The following RFPL1 variants were observed in gnomAD, a reference collection of about 807,000 sequenced individuals.
The protein encoded by RFPL1 is ret finger protein like 1, also known as ret finger protein-like 1.
A neutral mutation model predicts 9.6 loss-of-function variants in RFPL1; 6 were observed. That is an observed-to-expected ratio of 0.62 (90% CI 0.34 to 1.23). RFPL1 has a LOEUF of 1.23. Ranked by LOEUF, RFPL1 falls within the 50% of genes most tolerant of loss-of-function variation. The probability of loss-of-function intolerance (pLI) is 0.03; values close to 1 mark genes in which losing one functional copy is unlikely to be tolerated. For missense variants in RFPL1, 352 were observed against 398.4 expected (o/e 0.88, Z 0.99); for synonymous variants, 145 against 149.4 (o/e 0.97, Z 0.22).
At chr22:29,415,142 A>G in the RFPL1 span, among the ~76,000 whole-genome samples, 4 of 152,232 alleles carry the variant, frequency 2.6e-5, no homozygotes, top group East Asian at 7.7e-4. Flanking sequence ...TGGAGTGGAC[A>G]AGTTCCCAAG....
At chr22:29,414,538 A>AT in the RFPL1 span, among the ~76,000 whole-genome samples, 1 of 152,054 alleles carries the variant, frequency 6.6e-6, no homozygotes, top group African/African-American at 2.4e-5. Flanking sequence ...TTATTAGGCA[A>AT]TTTTCCTAAC....
chr22:29,414,744 T>C, the RFPL1 span, among the ~76,000 whole-genome samples: 3 of 152,260 alleles, frequency 2.0e-5, no homozygotes, highest in South Asian at 6.2e-4. Context: ...CAGGGGTTTA[T>C]GTTAAATCAT....
At chr22:29,406,038 A>G in the RFPL1 span, among the ~76,000 whole-genome samples, 2 of 138,732 alleles carry the variant, frequency 1.4e-5, no homozygotes, top group Non-Finnish European at 3.1e-5. Flanking sequence ...GAACCCGGGA[A>G]GCAGAGCTTG....
the RFPL1 span, among the ~76,000 whole-genome samples, chr22:29,428,857 G>A: frequency 6.6e-6 from 1 of 152,176 alleles, no homozygotes; most frequent in South Asian, 2.1e-4. Flanking sequence ...TGACAGGGAA[G>A]TTAATAGCAA....
At chr22:29,429,515 A>T in the RFPL1 span, among the ~76,000 whole-genome samples, 1 of 152,242 alleles carries the variant, frequency 6.6e-6, no homozygotes. Flanking sequence ...GATCATTAGA[A>T]ACTATTATGA....
the RFPL1 span, among the ~76,000 whole-genome samples, chr22:29,391,055 T>C: frequency 1.3e-5 from 2 of 151,498 alleles, no homozygotes; most frequent in Non-Finnish European, 2.9e-5. Flanking sequence ...GGCAGGAGAA[T>C]GGCGTGAACC....
upstream of RFPL1, among the ~76,000 whole-genome samples, chr22:29,436,099 C>A (rs542440772): frequency 1.6e-3 from 235 of 149,954 alleles, 2 homozygotes; most frequent in African/African-American, 5.5e-3. Flanking sequence ...CAGAATTATA[C>A]CTAGATGGGA....
the RFPL1 span, among the ~76,000 whole-genome samples, chr22:29,418,206 G>T: frequency 6.6e-6 from 1 of 152,102 alleles, no homozygotes. Context: ...AGGATTACAG[G>T]TGTGAGCCAC....
At chr22:29,412,738 A>C in the RFPL1 span, among the ~76,000 whole-genome samples, 1 of 152,106 alleles carries the variant, frequency 6.6e-6, no homozygotes, top group Admixed American at 6.5e-5. Context: ...GCTGGTATCT[A>C]GTGCAGGTGT....
At chr22:29,390,363 T>C in the RFPL1 span, among the ~76,000 whole-genome samples, 1 of 152,120 alleles carries the variant, frequency 6.6e-6, no homozygotes, top group Non-Finnish European at 1.5e-5. Context: ...TTTAATATAA[T>C]TTTAGATGTT....
the RFPL1 span, among the ~76,000 whole-genome samples, chr22:29,428,854 G>A: frequency 0.13 from 19,286 of 152,118 alleles, 1,680 homozygotes; most frequent in South Asian, 0.18. Flanking sequence ...TACTGACAGG[G>A]AAGTTAATAG....
upstream of RFPL1, chr22:29,437,243 C>T (rs541341018): frequency 1.4e-4 from 23 of 158,820 alleles, no homozygotes; most frequent in Admixed American, 3.8e-4. Context: ...AGAATTTCCT[C>T]AATGGAATGC....
At chr22:29,425,129 G>A in the RFPL1 span, among the ~76,000 whole-genome samples, 10 of 150,330 alleles carry the variant, frequency 6.7e-5, no homozygotes, top group East Asian at 1.4e-3. Context: ...GCGTGGACCC[G>A]GGAGGTGGAG....
chr22:29,410,278 A>AGATCTATATATG, the RFPL1 span, among the ~76,000 whole-genome samples: 22 of 123,144 alleles, frequency 1.8e-4, no homozygotes, highest in African/African-American at 6.3e-4. Flanking sequence ...ATCTATATAT[A>AGATCTATATATG]TAGATCTATA....
chr22:29,422,343 C>T, the RFPL1 span, among the ~76,000 whole-genome samples: 1 of 152,170 alleles, frequency 6.6e-6, no homozygotes, highest in Admixed American at 6.5e-5. Context: ...CTTTGGGAGG[C>T]TGAGGCTGGT....
the RFPL1 span, among the ~76,000 whole-genome samples, chr22:29,421,248 T>G: frequency 6.6e-6 from 1 of 151,910 alleles, no homozygotes; most frequent in Admixed American, 6.6e-5. Flanking sequence ...TGTCCACACA[T>G]CTCTCTTCCC....
chr22:29,430,867 A>G, the RFPL1 span, among the ~76,000 whole-genome samples: 31 of 152,230 alleles, frequency 2.0e-4, no homozygotes, highest in Non-Finnish European at 1.9e-4. Context: ...AGAAATCCCA[A>G]ATCTTATCAA....
At chr22:29,438,501 A>C, upstream of RFPL1, 1 of 953,204 alleles carries the variant, frequency 1.0e-6, no homozygotes, top group African/African-American at 1.7e-5. Context: ...CCTAATTCTT[A>C]TGTTCATCAA....
the RFPL1 span, among the ~76,000 whole-genome samples, chr22:29,429,711 T>C: frequency 1.3e-5 from 2 of 152,218 alleles, no homozygotes; most frequent in African/African-American, 2.4e-5. Flanking sequence ...GTAAATGATA[T>C]GATCTTATAT....
Sources: allele counts gnomAD v4.1 joint callset (sites outside exome capture counted in the v4.1 genomes callset), GRCh38; gene constraint gnomAD v4.1.1; transcripts MANE v1.5; gene names NCBI Gene and HGNC (gene_info 2026-07-23, HGNC 2026-07-21).